CDH18: variants seen among roughly 807,000 people sequenced by gnomAD.
CDH18 encodes cadherin 18.
CDH18 carries 31 observed loss-of-function variants against 67.9 expected under a neutral mutation model. That is an observed-to-expected ratio of 0.46 (90% CI 0.34 to 0.62). The LOEUF is 0.62. Ranked by LOEUF, CDH18 falls within the 20% of genes least tolerant of loss-of-function variation. CDH18 has a pLI of 0.01. For missense variants in CDH18, 890 were observed against 975.5 expected, an observed-to-expected ratio of 0.91 and a Z score of 1.17; for synonymous variants, 362 against 347.2, an observed-to-expected ratio of 1.04 and a Z score of -0.48.
intron 5 of CDH18, among the ~76,000 whole-genome samples, chr5:19,706,727 A>G (rs888783328): frequency 6.6e-6 from 1 of 152,162 alleles, no homozygotes; most frequent in African/African-American, 2.4e-5. Context: ...TTCCAGCTAC[A>G]TTTTTATCTA....
At chr5:19,766,632 C>G (rs563456840) in intron 3 of CDH18, among the ~76,000 whole-genome samples, 50 of 152,290 alleles carry the variant, frequency 3.3e-4, no homozygotes, top group Non-Finnish European at 5.3e-4. Context: ...AGGAAGGCAT[C>G]TTGATCTGAT....
At chr5:19,637,124 T>TTTTC (rs1753263912) in intron 5 of CDH18, among the ~76,000 whole-genome samples, 1 of 151,914 alleles carries the variant, frequency 6.6e-6, no homozygotes, top group Non-Finnish European at 1.5e-5. Flanking sequence ...TTGTTTTCCT[T>TTTTC]TTTCTTTCTC....
At chr5:20,254,178 T>C (rs1356429013) in intron 2 of CDH18, among the ~76,000 whole-genome samples, 2 of 152,212 alleles carry the variant, frequency 1.3e-5, no homozygotes, top group Non-Finnish European at 2.9e-5. Context: ...AGTGGTGCGA[T>C]CTTGGCTCAC....
intron 1 of CDH18, among the ~76,000 whole-genome samples, chr5:20,408,868 G>A (rs1746525142): frequency 6.6e-6 from 1 of 151,112 alleles, no homozygotes; most frequent in Non-Finnish European, 1.5e-5. Flanking sequence ...ATAATGAGAT[G>A]GAAAAAATAT....
At chr5:19,683,103 C>CTCTATCTATCTATCTATCTA (rs70950083) in intron 5 of CDH18, among the ~76,000 whole-genome samples, 2,103 of 149,154 alleles carry the variant, frequency 0.014, 38 homozygotes, top group Admixed American at 0.042. Flanking sequence ...CAACATATAA[C>CTCTATCTATCTATCTATCTA]TCTATCTATC....
intron 2 of CDH18, among the ~76,000 whole-genome samples, chr5:20,007,653 T>G (rs1352144796): frequency 6.8e-6 from 1 of 147,680 alleles, no homozygotes; most frequent in Non-Finnish European, 1.5e-5. Context: ...TTTAATAGTT[T>G]GAAGTGCAGT....
At chr5:20,279,497 G>A in intron 1 of CDH18, among the ~76,000 whole-genome samples, 1 of 151,840 alleles carries the variant, frequency 6.6e-6, no homozygotes, top group East Asian at 2.0e-4. Context: ...ACAGGGGTTT[G>A]AGACCAGCCT....
intron 1 of CDH18, among the ~76,000 whole-genome samples, chr5:20,570,921 A>G (rs563432767): frequency 6.6e-6 from 1 of 152,314 alleles, no homozygotes; most frequent in African/African-American, 2.4e-5. Context: ...TTTTGTAGAG[A>G]AAACAATTCG....
intron 3 of CDH18, among the ~76,000 whole-genome samples, chr5:19,811,144 AAGAAAGAAAGAAAGAAG>A (rs1778661350): frequency 9.8e-6 from 1 of 101,784 alleles, no homozygotes; most frequent in Non-Finnish European, 2.1e-5. Flanking sequence ...GAAAGAAAGA[AAGAAAGAAAGAAAGAAG>A]GAGAGAAAGA....
chr5:20,512,148 G>T (rs1755075978), intron 1 of CDH18, among the ~76,000 whole-genome samples: 1 of 152,022 alleles, frequency 6.6e-6, no homozygotes, highest in African/African-American at 2.4e-5. Flanking sequence ...GCTTGAATAT[G>T]GAAGGCAGAG....
chr5:20,464,223 T>A (rs1162719614), intron 1 of CDH18, among the ~76,000 whole-genome samples: 1 of 152,160 alleles, frequency 6.6e-6, no homozygotes, highest in Non-Finnish European at 1.5e-5. Context: ...GACAAATGTA[T>A]GCAAGTGAGT....
At chr5:19,696,507 G>A (rs548649194) in intron 5 of CDH18, among the ~76,000 whole-genome samples, 1 of 151,724 alleles carries the variant, frequency 6.6e-6, no homozygotes, top group South Asian at 2.1e-4. Flanking sequence ...CTGCACTCCA[G>A]CTTGAGTGAC....
intron 8 of CDH18, among the ~76,000 whole-genome samples, chr5:19,568,329 A>T (rs1431738848): frequency 1.3e-5 from 2 of 152,190 alleles, no homozygotes; most frequent in East Asian, 3.9e-4. Context: ...TGAGGTCATG[A>T]AAATGGAACT....
chr5:19,716,955 G>A (rs1182460162), intron 5 of CDH18, among the ~76,000 whole-genome samples: 4 of 151,836 alleles, frequency 2.6e-5, no homozygotes, highest in African/African-American at 9.7e-5. Flanking sequence ...ATTAAAAAAT[G>A]GCTTAGTAGT....
rs1312791245 is a variant in CDH18, at chr5:19,667,505, T to TACAC, written c.643+53841_643+53842insGTGT. Among the ~76,000 whole-genome samples the TACAC allele has an allele frequency of 9.4e-5, 12 of 127,548 alleles. No homozygotes were observed. The South Asian group carries it at 1.5e-3, about 16-fold the overall frequency. The allele number at this position is 127,548 out of a possible 152,430, so 83.7% of individuals were successfully genotyped here. On this transcript the variant is annotated intron_variant, in intron 5 of 12. Coordinates refer to ENST00000382275, the MANE Select transcript of CDH18 (RefSeq NM_004934.5). The stretch of plus-strand genomic sequence containing the variant: ...AATATATATGTTATATATATATATA[T>TACAC]ATACACACACACACACACACACACA...
At chr5:20,481,467 C>T (rs1004485263) in intron 1 of CDH18, among the ~76,000 whole-genome samples, 1 of 151,952 alleles carries the variant, frequency 6.6e-6, no homozygotes, top group African/African-American at 2.4e-5. Flanking sequence ...AAAAATGGAC[C>T]TAATAGGTAT....
intron 1 of CDH18, among the ~76,000 whole-genome samples, chr5:20,359,009 C>T (rs573038239): frequency 4.4e-4 from 67 of 150,564 alleles, no homozygotes; most frequent in Non-Finnish European, 8.3e-4. Flanking sequence ...CTCAGCTCAC[C>T]GCAACCTCCG....
chr5:20,062,709 C>T (rs949304210), intron 2 of CDH18, among the ~76,000 whole-genome samples: 6 of 152,034 alleles, frequency 3.9e-5, no homozygotes, highest in East Asian at 1.9e-4. Flanking sequence ...AGTTTTGCAT[C>T]GCTCTTCTAT....
intron 5 of CDH18, among the ~76,000 whole-genome samples, chr5:19,703,932 G>T (rs13159207): frequency 0.97 from 147,183 of 152,200 alleles, 71,353 homozygotes; most frequent in Middle Eastern, 1. Flanking sequence ...TAGTTTAAAT[G>T]TAAAAGGAGT....
Sources: allele counts gnomAD v4.1 joint callset (sites outside exome capture counted in the v4.1 genomes callset), GRCh38; gene constraint gnomAD v4.1.1; transcripts MANE v1.5; gene names NCBI Gene and HGNC (gene_info 2026-07-23, HGNC 2026-07-21).